The following KCNK13 variants were observed in gnomAD, a reference collection of about 807,000 sequenced individuals.
The protein encoded by KCNK13 is potassium channel subfamily K member 13.
In KCNK13, 12 loss-of-function variants were observed where a neutral mutation model predicts 23.4. The observed-to-expected ratio is 0.51, with a 90% CI of 0.33 to 0.83. KCNK13 has a LOEUF of 0.83. Ranked by LOEUF, KCNK13 falls within the 40% of genes least tolerant of loss-of-function variation. KCNK13 has a pLI of 0.02. For missense variants in KCNK13, 463 were observed against 556.3 expected (o/e 0.83, Z 1.69); for synonymous variants, 231 against 229.5 (o/e 1.01, Z -0.06).
chr14:90,120,772 C>T (rs1443655445), intron 1 of KCNK13, among the ~76,000 whole-genome samples: 3 of 152,212 alleles, frequency 2.0e-5, no homozygotes, highest in African/African-American at 7.2e-5. Flanking sequence ...CTCATGTCCT[C>T]ACATTTCAAA....
At chr14:90,100,622 CAG>C (rs1430887116) in intron 1 of KCNK13, among the ~76,000 whole-genome samples, 12 of 152,176 alleles carry the variant, frequency 7.9e-5, no homozygotes, top group Admixed American at 3.3e-4. Context: ...CCATGTGAAA[CAG>C]AGGAATGACT....
chr14:90,183,705 C>G (rs766994867), intron 1 of KCNK13, among the ~76,000 whole-genome samples: 2 of 152,186 alleles, frequency 1.3e-5, no homozygotes, highest in Non-Finnish European at 2.9e-5. Flanking sequence ...TAAGCCTCTT[C>G]TTTGTATGAG....
intron 1 of KCNK13, among the ~76,000 whole-genome samples, chr14:90,132,015 G>A (rs976474985): frequency 1.3e-5 from 2 of 152,194 alleles, no homozygotes; most frequent in Non-Finnish European, 2.9e-5. Flanking sequence ...ATAGCCAAGA[G>A]GTGGAAGCAA....
Position 90,079,616 on chromosome 14 carries a change from G to A in KCNK13, c.334+17077G>A, listed in dbSNP as rs190106492. On this transcript the variant is annotated intron_variant, in intron 1 of 1. Transcript: ENST00000282146. Reference sequence around the variant, plus strand: ...AAGGGGTTTAGAGGAATCTGGATGGGGCACAAATAGTGTCTCCTATAAGGG... The same window carrying A: ...AAGGGGTTTAGAGGAATCTGGATGGAGCACAAATAGTGTCTCCTATAAGGG... 7.2e-5 allele frequency among the ~76,000 whole-genome samples: 11 copies of A among 152,240 alleles called. No homozygotes were observed. In the East Asian group the frequency reaches 1.9e-3, roughly 27 times the overall value.
At position 90,105,578 on chromosome 14, in the gene KCNK13, G is replaced by C. The variant is rs1718304212; in HGVS notation, c.334+43039G>C. Among the ~76,000 whole-genome samples, 3 of 151,976 alleles carry C rather than the reference G, an allele frequency of 2.0e-5. No individual in the cohort carries two copies. In the South Asian group the frequency reaches 6.2e-4, roughly 32 times the overall value. On this transcript the variant is annotated intron_variant, in intron 1 of 1. Transcript: ENST00000282146. ...GATTGTGGTCGTTGAGGGTACTAGG[G>C]TACTCATGGGTTAGAGTCCCAAGCT...
At chr14:90,063,544 G>C (rs956035) in intron 1 of KCNK13, among the ~76,000 whole-genome samples, 47,726 of 152,010 alleles carry the variant, frequency 0.31, 12,509 homozygotes, top group African/African-American at 0.72. Context: ...GGGGAGGGAG[G>C]TTGGAAGAGT....
chr14:90,168,038 T>C (rs1030352083), intron 1 of KCNK13, among the ~76,000 whole-genome samples: 5 of 152,230 alleles, frequency 3.3e-5, no homozygotes, highest in African/African-American at 1.2e-4. Flanking sequence ...TTTTACGTAC[T>C]GTACCATCTG....
At position 90,185,283 on chromosome 14, in the gene KCNK13, G is replaced by A; in HGVS notation, c.*280G>A. The A allele has an allele frequency of 3.2e-6, 1 of 314,770 alleles. No individual in the cohort carries two copies. The highest frequency in any genetic ancestry group is 5.8e-6 in the Non-Finnish European group (1 of 171,946). 19.5% of individuals were successfully genotyped at this position (314,770 alleles called of 1,614,324 possible). A position where few individuals can be genotyped will look rare whatever the true frequency, so the allele number is the denominator to read the frequency against. ...CAAAAGCAGCATTAGACATTGCCTT[G>A]TTTCATTAATCTTGTTTCAGAGCTT... On this transcript the variant is annotated 3_prime_UTR_variant, in exon 2 of 2. Transcript: ENST00000282146.
intron 1 of KCNK13, among the ~76,000 whole-genome samples, chr14:90,078,970 T>C (rs1889175571): frequency 6.6e-6 from 1 of 152,320 alleles, no homozygotes; most frequent in South Asian, 2.1e-4. Context: ...CCCTGAAAAG[T>C]AGCGAAAGCA....
At chr14:90,137,056 C>G (rs1889946016) in intron 1 of KCNK13, among the ~76,000 whole-genome samples, 1 of 152,140 alleles carries the variant, frequency 6.6e-6, no homozygotes, top group South Asian at 2.1e-4. Context: ...AGCAGTTCAC[C>G]AAGTCCTTCT....
chr14:90,071,742 C>CA (rs1025427481), intron 1 of KCNK13, among the ~76,000 whole-genome samples: 8 of 151,884 alleles, frequency 5.3e-5, no homozygotes, highest in Non-Finnish European at 1.2e-4. Flanking sequence ...ACTAAAAATA[C>CA]AAAAAATTAG....
At chr14:90,151,969 C>G (rs1441552026) in intron 1 of KCNK13, among the ~76,000 whole-genome samples, 1 of 152,126 alleles carries the variant, frequency 6.6e-6, no homozygotes, top group Non-Finnish European at 1.5e-5. Flanking sequence ...CTATTCTATT[C>G]CATTGGCCTA....
chr14:90,154,630 G>T (rs914199773), intron 1 of KCNK13, among the ~76,000 whole-genome samples: 1 of 152,192 alleles, frequency 6.6e-6, no homozygotes, highest in African/African-American at 2.4e-5. Context: ...GGACCATTCA[G>T]ACATACTCAG....
At chr14:90,083,484 T>A (rs1255757813) in intron 1 of KCNK13, among the ~76,000 whole-genome samples, 1 of 152,228 alleles carries the variant, frequency 6.6e-6, no homozygotes, top group Non-Finnish European at 1.5e-5. Flanking sequence ...GGTTTCAGTG[T>A]TTGTTTCCTC....
intron 1 of KCNK13, among the ~76,000 whole-genome samples, chr14:90,119,653 G>A (rs992827411): frequency 2.0e-5 from 3 of 152,154 alleles, no homozygotes; most frequent in African/African-American, 7.2e-5. Flanking sequence ...AGGCTGGAGT[G>A]CAGTGGCATG....
chr14:90,066,005 C>T (rs1412318116), intron 1 of KCNK13, among the ~76,000 whole-genome samples: 1 of 152,204 alleles, frequency 6.6e-6, no homozygotes, highest in Non-Finnish European at 1.5e-5. Flanking sequence ...GCCCTGTCAC[C>T]TAGGCTTGAG....
chr14:90,067,241 CCTGGGTGACAGAGTGAGA>C (rs1889020327), intron 1 of KCNK13, among the ~76,000 whole-genome samples: 2 of 152,106 alleles, frequency 1.3e-5, no homozygotes, highest in South Asian at 4.1e-4. Context: ...TGCACTCCAG[CCTGGGTGACAGAGTGAGA>C]CCATCTCAAG....
At chr14:90,108,216 A>T (rs2140410704) in intron 1 of KCNK13, among the ~76,000 whole-genome samples, 1 of 152,272 alleles carries the variant, frequency 6.6e-6, no homozygotes, top group African/African-American at 2.4e-5. Context: ...TTTTCAGAAG[A>T]TTGTGACAAG....
intron 1 of KCNK13, among the ~76,000 whole-genome samples, chr14:90,179,768 A>G (rs1185236544): frequency 6.6e-6 from 1 of 152,238 alleles, no homozygotes. Context: ...TACCTACAAA[A>G]TATGGGGAGA....
Sources: allele counts gnomAD v4.1 joint callset (sites outside exome capture counted in the v4.1 genomes callset), GRCh38; gene constraint gnomAD v4.1.1; transcripts MANE v1.5; gene names NCBI Gene and HGNC (gene_info 2026-07-23, HGNC 2026-07-21).